ANKRD28: variants seen among roughly 807,000 people sequenced by gnomAD.
The protein encoded by ANKRD28 is ankyrin repeat domain 28.
In ANKRD28, 44 loss-of-function variants were observed where a neutral mutation model predicts 126.5. The observed-to-expected ratio is 0.35, with a 90% CI of 0.27 to 0.45. The LOEUF (loss-of-function observed/expected upper bound fraction) is 0.45, where lower values mean the gene tolerates loss of function less well. Among genes scored for constraint, ANKRD28 ranks in the 20% least tolerant of loss-of-function variants. The pLI, the probability that ANKRD28 is intolerant of heterozygous loss-of-function variation, is 1.00. For missense variants in ANKRD28, 1,110 were observed against 1,316.6 expected, an observed-to-expected ratio of 0.84 and a Z score of 2.43; for synonymous variants, 442 against 468.5, an observed-to-expected ratio of 0.94 and a Z score of 0.73.
rs1340273084 is a variant in ANKRD28 at position 15,859,206 on chromosome 3, G to A, written c.27+171C>T. 3.3e-5 allele frequency among the ~76,000 whole-genome samples: 5 copies of A among 152,302 alleles called. No individual in the cohort carries two copies. The East Asian group carries it at 9.7e-4, about 30-fold the overall frequency. ...CCAGGCCCCGGCAGCTCTGACAGGC[G>A]GGTCGCCCGCGGACCCCGGCCCGCC... On this transcript the variant is annotated intron_variant, in intron 1 of 27. Transcript: ENST00000399451.
intron 17 of ANKRD28, among the ~76,000 whole-genome samples, chr3:15,691,369 C>T (rs1162553153): frequency 3.3e-5 from 5 of 152,024 alleles, no homozygotes; most frequent in African/African-American, 7.2e-5. Flanking sequence ...GTGATCCGCC[C>T]GCCTCGGCCT....
chr3:15,783,380 T>C (rs1038810698), intron 2 of ANKRD28, among the ~76,000 whole-genome samples: 2 of 152,070 alleles, frequency 1.3e-5, no homozygotes, highest in Non-Finnish European at 2.9e-5. Flanking sequence ...TACGAAATAT[T>C]TGTGAGAATG....
rs997210007 is a variant in ANKRD28, at chr3:15,846,111, C to G, written c.27+13266G>C. 6.6e-6 allele frequency among the ~76,000 whole-genome samples: 1 copy of G among 152,050 alleles called. No homozygotes were observed. On this transcript the variant is annotated intron_variant, in intron 1 of 27. Transcript: ENST00000399451. The surrounding 1 kb of genome is among the most constrained non-coding windows in gnomAD (Gnocchi z 5.4). ...CCAATAGTCTCCCAAAATCTTAACTCGTCCCAGCGTTAACTCAGAAATCCA... is the reference window on the plus strand; with the variant it reads ...CCAATAGTCTCCCAAAATCTTAACTGGTCCCAGCGTTAACTCAGAAATCCA...
At chr3:15,711,630 GA>G (rs1015218003) in intron 11 of ANKRD28, among the ~76,000 whole-genome samples, 2 of 151,960 alleles carry the variant, frequency 1.3e-5, no homozygotes, top group Non-Finnish European at 2.9e-5. Context: ...GCTGAGGGAA[GA>G]AAGAAATGGA....
At chr3:15,823,327 C>A (rs2060985360) in intron 1 of ANKRD28, among the ~76,000 whole-genome samples, 1 of 152,204 alleles carries the variant, frequency 6.6e-6, no homozygotes, top group Admixed American at 6.5e-5. Flanking sequence ...TGCTGTGCAG[C>A]CAGTTCCTAA....
At chr3:15,741,697 C>CTTTTTTTTTTTTT (rs58655271) in intron 4 of ANKRD28, among the ~76,000 whole-genome samples, 14 of 33,664 alleles carry the variant, frequency 4.2e-4, no homozygotes, top group African/African-American at 5.4e-4. Context: ...TGGTTCTATC[C>CTTTTTTTTTTTTT]TTTTTTTTTT....
At chr3:15,789,939 T>C (rs1312058135) in intron 2 of ANKRD28, among the ~76,000 whole-genome samples, 1 of 151,982 alleles carries the variant, frequency 6.6e-6, no homozygotes, top group Admixed American at 6.6e-5. Flanking sequence ...CATTACAACT[T>C]ACACAGAAAT....
At chr3:15,850,537 G>T (rs2061630115) in intron 1 of ANKRD28, among the ~76,000 whole-genome samples, 1 of 151,936 alleles carries the variant, frequency 6.6e-6, no homozygotes, top group South Asian at 2.1e-4. Flanking sequence ...CACTGGCTTG[G>T]AACTGTATGA....
upstream of ANKRD28, among the ~76,000 whole-genome samples, chr3:15,801,450 A>G (rs2060463992): frequency 6.6e-6 from 1 of 152,146 alleles, no homozygotes; most frequent in Non-Finnish European, 1.5e-5. This position sits in a 1 kb window ranked among gnomAD's most constrained non-coding sequence, Gnocchi z 4.9. Context: ...TTAAGTGGCT[A>G]CTCTGTGGCA....
upstream of ANKRD28, among the ~76,000 whole-genome samples, chr3:15,801,316 C>G (rs2060460800): frequency 6.6e-6 from 1 of 151,986 alleles, no homozygotes; most frequent in African/African-American, 2.4e-5. This position sits in a 1 kb window ranked among gnomAD's most constrained non-coding sequence, Gnocchi z 4.9. Context: ...ATTGTTACAC[C>G]TGAATTTCTT....
At chr3:15,695,362 A>AT in intron 15 of ANKRD28, 148 bp from the exon 16 acceptor site, 1 of 627,882 alleles carries the variant, frequency 1.6e-6, no homozygotes, top group Non-Finnish European at 2.9e-6. Context: ...AAACAATTTT[A>AT]TATCACAACA....
At chr3:15,724,802 G>A (rs6773274) in intron 6 of ANKRD28, among the ~76,000 whole-genome samples, 1,912 of 152,064 alleles carry the variant, frequency 0.013, 44 homozygotes, top group African/African-American at 0.043. Flanking sequence ...AACACAGTGA[G>A]ACCCTGTCTC....
At chr3:15,851,490 G>C (rs1383832768) in intron 1 of ANKRD28, among the ~76,000 whole-genome samples, 1 of 152,066 alleles carries the variant, frequency 6.6e-6, no homozygotes, top group Non-Finnish European at 1.5e-5. Context: ...GCTGCAGTGA[G>C]CCGTGATCAT....
chr3:15,782,502 G>A (rs1321735043), intron 2 of ANKRD28, among the ~76,000 whole-genome samples: 1 of 152,048 alleles, frequency 6.6e-6, no homozygotes, highest in African/African-American at 2.4e-5. Flanking sequence ...ACATTTAAAT[G>A]TGTGAACTCT....
At chr3:15,720,271 T>C (rs919490157) in intron 8 of ANKRD28, among the ~76,000 whole-genome samples, 3 of 151,806 alleles carry the variant, frequency 2.0e-5, no homozygotes, top group Admixed American at 2.0e-4. Context: ...TGACAGTTTT[T>C]TTTCCCTAAC....
chr3:15,829,602 T>C (rs1192103374), intron 1 of ANKRD28, among the ~76,000 whole-genome samples: 1 of 152,170 alleles, frequency 6.6e-6, no homozygotes, highest in Non-Finnish European at 1.5e-5. Context: ...AAATGCTGGT[T>C]CACTGGTTTA....
intron 6 of ANKRD28, among the ~76,000 whole-genome samples, chr3:15,734,580 T>C (rs1264449990): frequency 6.6e-6 from 1 of 152,176 alleles, no homozygotes; most frequent in Non-Finnish European, 1.5e-5. Flanking sequence ...TTTAAGAACC[T>C]TGAAAAATGA....
chr3:15,789,671 G>A (rs1322152561), intron 2 of ANKRD28, among the ~76,000 whole-genome samples: 1 of 151,948 alleles, frequency 6.6e-6, no homozygotes, highest in Admixed American at 6.6e-5. Context: ...TATTCAGGTA[G>A]TCAATTATTA....
intron 13 of ANKRD28, among the ~76,000 whole-genome samples, 172 bp downstream of exon 13, chr3:15,709,496 T>C (rs1178039725): frequency 6.6e-6 from 1 of 152,028 alleles, no homozygotes; most frequent in Non-Finnish European, 1.5e-5. Context: ...AGAAGAAAAC[T>C]GTGGGTGAGA....
Sources: gnomAD v4.1 joint callset for allele counts (sites outside exome capture counted in the v4.1 genomes callset) on GRCh38, gnomAD v4.1.1 for gene constraint, Gnocchi (gnomAD v3.1) non-coding constraint, MANE v1.5 for transcripts, NCBI Gene and HGNC (gene_info 2026-07-23, HGNC 2026-07-21) for gene names.